The following RAB37 variants were observed in gnomAD, a reference collection of about 807,000 sequenced individuals.
RAB37 encodes RAB37, member RAS oncogene family, also known as ras-related protein Rab-37.
RAB37 carries 29 observed loss-of-function variants against 33.1 expected under a neutral mutation model. The ratio of observed to expected loss-of-function variants is 0.88; its 90% CI spans 0.65 to 1.20. RAB37 has a LOEUF of 1.20. Ranked by LOEUF, RAB37 falls within the 50% of genes most tolerant of loss-of-function variation. The probability of loss-of-function intolerance (pLI) is 0.00; values close to 1 mark genes in which losing one functional copy is unlikely to be tolerated. For missense variants in RAB37, 299 were observed against 301.1 expected (o/e 0.99, Z 0.05); for synonymous variants, 128 against 119.5 (o/e 1.07, Z -0.47).
In RAB37 at chr17:74,745,607, A is replaced by T; in HGVS notation, c.*196A>T. ...TCTCCCCGCATCCACAGGGAGGGTA[A>T]AACACTTAGCTTTTATTTTAATAGT... On this transcript the variant is annotated 3_prime_UTR_variant, in exon 9 of 9. Coordinates refer to ENST00000392613, the MANE Select transcript of RAB37 (RefSeq NM_001006638.3). This position sits in a 1 kb window ranked among gnomAD's most constrained non-coding sequence, Gnocchi z 4.5. The T allele has an allele frequency of 1.7e-6, 1 of 574,998 alleles. No individual in the cohort carries two copies. The highest frequency in any genetic ancestry group is 1.9e-5 in the African/African-American group (1 of 53,434). 35.6% of individuals were successfully genotyped at this position (574,998 alleles called of 1,614,324 possible). A position where few individuals can be genotyped will look rare whatever the true frequency, so the allele number is the denominator to read the frequency against.
At chr17:74,708,704 G>C (rs11077761) in intron 1 of RAB37, among the ~76,000 whole-genome samples, 16,842 of 152,022 alleles carry the variant, frequency 0.11, 1,212 homozygotes, top group Admixed American at 0.19. Flanking sequence ...ATCAGGAGGT[G>C]AGGAGATCGA....
upstream of RAB37, among the ~76,000 whole-genome samples, chr17:74,733,092 G>A (rs2034413220): frequency 6.6e-6 from 1 of 152,112 alleles, no homozygotes; most frequent in Non-Finnish European, 1.5e-5. Context: ...AGAGGCAGGT[G>A]TTTGCACAGT....
At chr17:74,739,331 C>A (rs1225038498) in intron 1 of RAB37, among the ~76,000 whole-genome samples, 1 of 152,068 alleles carries the variant, frequency 6.6e-6, no homozygotes, top group Non-Finnish European at 1.5e-5. Context: ...CAGAGCAGAG[C>A]CAGACAGTAA....
chr17:74,733,467 G>GGTGTGTGTGGT (rs1491160016), upstream of RAB37, among the ~76,000 whole-genome samples: 1 of 548 alleles, frequency 1.8e-3, no homozygotes, highest in African/African-American at 6.7e-3. Flanking sequence ...TGATTTGAGG[G>GGTGTGTGTGGT]ATGTGTGTGG....
chr17:74,710,414 A>T (rs1196713978), intron 1 of RAB37, among the ~76,000 whole-genome samples: 4 of 152,256 alleles, frequency 2.6e-5, no homozygotes, highest in African/African-American at 9.6e-5. Context: ...GAGTGGCTAA[A>T]TAATAAACAT....
intron 1 of RAB37, among the ~76,000 whole-genome samples, chr17:74,691,588 G>A (rs896197431): frequency 1.3e-5 from 2 of 152,172 alleles, no homozygotes; most frequent in South Asian, 2.1e-4. Context: ...GATGAAGGTA[G>A]AAGCAGCCCA....
At chr17:74,701,492 C>G (rs1333750836) in intron 1 of RAB37, among the ~76,000 whole-genome samples, 1 of 152,204 alleles carries the variant, frequency 6.6e-6, no homozygotes, top group Non-Finnish European at 1.5e-5. Context: ...TTAACTATTA[C>G]TTATTCAAAG....
upstream of RAB37, among the ~76,000 whole-genome samples, chr17:74,732,848 G>GC (rs1221013629): frequency 2.2e-4 from 1 of 4,642 alleles, no homozygotes; most frequent in African/African-American, 5.7e-4. Context: ...GTACACAAGA[G>GC]CCCCCCCATC....
upstream of RAB37, among the ~76,000 whole-genome samples, chr17:74,732,801 G>A (rs1395472276): frequency 2.7e-5 from 4 of 150,480 alleles, no homozygotes; most frequent in African/African-American, 9.7e-5. Flanking sequence ...TGAGGTGTGT[G>A]TGGCGTGATT....
At chr17:74,700,115 C>T (rs1013203538) in intron 1 of RAB37, among the ~76,000 whole-genome samples, 6 of 151,330 alleles carry the variant, frequency 4.0e-5, no homozygotes, top group Non-Finnish European at 7.4e-5. Context: ...GCACTCCAGC[C>T]TGGTCGACAG....
chr17:74,710,235 A>G (rs2033847527), intron 1 of RAB37, among the ~76,000 whole-genome samples: 2 of 152,176 alleles, frequency 1.3e-5, no homozygotes, highest in African/African-American at 4.8e-5. Context: ...TTGGCCTCCC[A>G]AAGTGCTGGG....
chr17:74,697,910 G>T (rs1432959367), intron 1 of RAB37, among the ~76,000 whole-genome samples: 2 of 152,194 alleles, frequency 1.3e-5, no homozygotes, highest in Non-Finnish European at 2.9e-5. Flanking sequence ...GATCCATGCA[G>T]TGTGTGTGCC....
chr17:74,724,863 G>A (rs540668969), intron 1 of RAB37, among the ~76,000 whole-genome samples: 2 of 152,126 alleles, frequency 1.3e-5, no homozygotes, highest in Non-Finnish European at 2.9e-5. Flanking sequence ...GTTGCTTCAG[G>A]CCATCTGGAT....
intron 1 of RAB37, among the ~76,000 whole-genome samples, chr17:74,725,966 G>GTGGCTTACACCTGTA (rs1205549805): frequency 6.6e-6 from 1 of 151,940 alleles, no homozygotes; most frequent in Non-Finnish European, 1.5e-5. Context: ...GCAGGGCATT[G>GTGGCTTACACCTGTA]TGGCTTACAC....
rs2144095840 is a variant in RAB37, at chr17:74,745,518, G to A, written c.*107G>A. ...TGAGCCAATGGGGAGAAAGATGGAG[G>A]ACTCACTGCACAGCCGCTTCCTAGC... On this transcript the variant is annotated 3_prime_UTR_variant, in exon 9 of 9. Coordinates refer to ENST00000392613, the MANE Select transcript of RAB37 (RefSeq NM_001006638.3). The surrounding 1 kb of genome is among the most constrained non-coding windows in gnomAD (Gnocchi z 4.5). 1.1e-6 allele frequency: 1 copy of A among 883,948 alleles called. No individual in the cohort carries two copies. Among genetic ancestry groups the A allele is most frequent in the Non-Finnish European group, 1.8e-6 (1 of 547,412 alleles). The allele number at this position is 883,948 out of a possible 1,614,324, so 54.8% of individuals were successfully genotyped here.
Position 74,676,419 on chromosome 17 carries a change from C to G in RAB37, c.72+4761C>G, listed in dbSNP as rs148142410. Among the ~76,000 whole-genome samples, 1 of 152,156 alleles carries G rather than the reference C, an allele frequency of 6.6e-6. No individual in the cohort carries two copies. Among genetic ancestry groups the G allele is most frequent in the Non-Finnish European group, 1.5e-5 (1 of 68,034 alleles). Reference sequence around the variant, plus strand: ...CTTGGGTGAAAAGGGATTACCAGGTCTCTGTCTTCCAAAGTATGTCCATTT... The same window carrying G: ...CTTGGGTGAAAAGGGATTACCAGGTGTCTGTCTTCCAAAGTATGTCCATTT... On this transcript the variant is annotated intron_variant, in intron 1 of 7. Coordinates refer to the RAB37 transcript ENST00000340415. This position sits in a 1 kb window ranked among gnomAD's most constrained non-coding sequence, Gnocchi z 4.1.
rs2034710436 is a variant in RAB37 at position 74,744,771 on chromosome 17, G to T, written c.433-102G>T. On this transcript the variant is annotated intron_variant, in intron 6 of 8. Coordinates refer to ENST00000392613, the MANE Select transcript of RAB37 (RefSeq NM_001006638.3). This position sits in a 1 kb window ranked among gnomAD's most constrained non-coding sequence, Gnocchi z 4.2. ...CAATCACACCTGCCTGCAGTCCCTT[G>T]GGCCACCAGCAGAGGGCAGGCAACG... 3 of 1,386,854 alleles carry T rather than the reference G, an allele frequency of 2.2e-6. No homozygotes were observed. Among genetic ancestry groups the T allele is most frequent in the Non-Finnish European group, 2.1e-6 (2 of 974,198 alleles). The allele number at this position is 1,386,854 out of a possible 1,614,324, so 85.9% of individuals were successfully genotyped here.
At chr17:74,683,828 C>T (rs2032001837) in intron 1 of RAB37, among the ~76,000 whole-genome samples, 2 of 152,144 alleles carry the variant, frequency 1.3e-5, no homozygotes, top group South Asian at 4.1e-4. Flanking sequence ...GAGTGGGCAG[C>T]ACCACAGTGG....
chr17:74,684,796 AAAG>A (rs1035280135), intron 1 of RAB37, among the ~76,000 whole-genome samples: 2 of 152,120 alleles, frequency 1.3e-5, no homozygotes, highest in African/African-American at 4.8e-5. Context: ...CCTTAGAAAA[AAAG>A]AAGATGAAAT....
Sources: allele counts gnomAD v4.1 joint callset (sites outside exome capture counted in the v4.1 genomes callset), GRCh38; gene constraint gnomAD v4.1.1; non-coding constraint Gnocchi (gnomAD v3.1); transcripts MANE v1.5; gene names NCBI Gene and HGNC (gene_info 2026-07-23, HGNC 2026-07-21).